CDH13: variants seen among roughly 807,000 people sequenced by gnomAD.
CDH13 encodes cadherin 13, also known as cadherin-13.
CDH13 carries 24 observed loss-of-function variants against 63.8 expected under a neutral mutation model. The observed-to-expected ratio is 0.38, with a 90% CI of 0.27 to 0.53. The LOEUF is 0.53. CDH13 is among the 20% of genes least tolerant of loss of function. The probability of loss-of-function intolerance (pLI) is 0.85; values close to 1 mark genes in which losing one functional copy is unlikely to be tolerated. For missense variants in CDH13, 1,049 were observed against 903.1 expected, an observed-to-expected ratio of 1.16 and a Z score of -2.07; for synonymous variants, 503 against 355.3, an observed-to-expected ratio of 1.42 and a Z score of -4.67.
At chr16:83,786,252 C>T (rs911054042) in intron 13 of CDH13, among the ~76,000 whole-genome samples, 2 of 152,178 alleles carry the variant, frequency 1.3e-5, no homozygotes, top group African/African-American at 4.8e-5. Flanking sequence ...CTAAATTTGG[C>T]CTGAGCTTCT....
intron 2 of CDH13, among the ~76,000 whole-genome samples, chr16:82,971,697 G>A (rs545959690): frequency 3.3e-5 from 5 of 152,282 alleles, no homozygotes; most frequent in East Asian, 1.9e-4. Flanking sequence ...CTTTCTAGTC[G>A]TAGTATGGTA....
intron 7 of CDH13, among the ~76,000 whole-genome samples, chr16:83,545,162 T>A (rs2075363442): frequency 6.6e-6 from 1 of 152,192 alleles, no homozygotes; most frequent in Admixed American, 6.5e-5. Flanking sequence ...TTAGCCCTTC[T>A]TAGAAGTTGT....
intron 1 of CDH13, among the ~76,000 whole-genome samples, chr16:82,784,069 A>C (rs17192123): frequency 6.6e-6 from 1 of 151,890 alleles, no homozygotes; most frequent in Non-Finnish European, 1.5e-5. Flanking sequence ...TTTGAATGCA[A>C]ATGTATTAGT....
chr16:83,663,223 G>A (rs1313160806), intron 8 of CDH13, among the ~76,000 whole-genome samples: 2 of 152,178 alleles, frequency 1.3e-5, no homozygotes, highest in Non-Finnish European at 2.9e-5. Flanking sequence ...AAGGAAGCTA[G>A]GATCACATGA....
intron 1 of CDH13, among the ~76,000 whole-genome samples, chr16:82,664,721 C>G (rs1348063198): frequency 1.3e-5 from 2 of 152,186 alleles, no homozygotes; most frequent in African/African-American, 4.8e-5. Flanking sequence ...AACAATTTCA[C>G]TTTACTGGTT....
chr16:82,793,660 C>G (rs2036430920), intron 1 of CDH13, among the ~76,000 whole-genome samples: 1 of 152,158 alleles, frequency 6.6e-6, no homozygotes, highest in Non-Finnish European at 1.5e-5. Flanking sequence ...ACCCTGGTAT[C>G]ACTCATTTTA....
intron 3 of CDH13, among the ~76,000 whole-genome samples, chr16:83,109,358 A>AG (rs749687366): frequency 5.9e-4 from 90 of 152,292 alleles, no homozygotes; most frequent in Admixed American, 1.2e-3. Flanking sequence ...TGCTGAGAAA[A>AG]GGGATGCAGG....
chr16:83,559,105 T>A (rs763995882), intron 7 of CDH13, among the ~76,000 whole-genome samples: 6 of 152,144 alleles, frequency 3.9e-5, no homozygotes, highest in African/African-American at 7.2e-5. Flanking sequence ...TAAGATCCAC[T>A]GCCAGGAACT....
At chr16:83,669,745 T>G (rs942324916) in intron 8 of CDH13, among the ~76,000 whole-genome samples, 4 of 152,250 alleles carry the variant, frequency 2.6e-5, no homozygotes, top group African/African-American at 9.6e-5. Flanking sequence ...CAAATTACTT[T>G]TCTTTGAACA....
At chr16:83,401,626 G>A (rs2091969234) in intron 6 of CDH13, among the ~76,000 whole-genome samples, 1 of 151,996 alleles carries the variant, frequency 6.6e-6, no homozygotes, top group Non-Finnish European at 1.5e-5. Context: ...ACCTCATGAA[G>A]TGTATATACC....
At chr16:82,807,928 C>T (rs112168209) in intron 1 of CDH13, among the ~76,000 whole-genome samples, 6 of 152,222 alleles carry the variant, frequency 3.9e-5, no homozygotes, top group African/African-American at 9.6e-5. Flanking sequence ...TTCCTTAAAA[C>T]GATCAAAGGG....
intron 10 of CDH13, among the ~76,000 whole-genome samples, chr16:83,736,195 A>T (rs406844): frequency 6.6e-6 from 1 of 151,976 alleles, no homozygotes; most frequent in Non-Finnish European, 1.5e-5. Context: ...CATGAAAGCT[A>T]TCTTGTGGTT....
At chr16:82,854,778 AT>A (rs1440174220) in intron 1 of CDH13, among the ~76,000 whole-genome samples, 2 of 152,152 alleles carry the variant, frequency 1.3e-5, no homozygotes, top group African/African-American at 4.8e-5. Context: ...AGAGATCTAT[AT>A]TTTCCTTTCC....
At chr16:83,400,060 C>T (rs886855546) in intron 6 of CDH13, among the ~76,000 whole-genome samples, 1 of 151,584 alleles carries the variant, frequency 6.6e-6, no homozygotes, top group African/African-American at 2.4e-5. Flanking sequence ...TAATGCCTGT[C>T]TTATAGTACT....
chr16:83,388,026 G>A (rs1567636335), intron 6 of CDH13, among the ~76,000 whole-genome samples: 2 of 152,102 alleles, frequency 1.3e-5, no homozygotes, highest in Non-Finnish European at 1.5e-5. Flanking sequence ...ATCAGGACTG[G>A]GGTAAAAGAC....
intron 5 of CDH13, among the ~76,000 whole-genome samples, chr16:83,255,601 A>T (rs1029303503): frequency 2.0e-5 from 3 of 152,150 alleles, no homozygotes; most frequent in African/African-American, 7.2e-5. Flanking sequence ...CCAAACATCA[A>T]TGTCTCATTT....
At position 82,644,271 on chromosome 16, in the gene CDH13, C is replaced by G. The variant is rs1038544628; in HGVS notation, c.45+17134C>G. 2.6e-5 allele frequency among the ~76,000 whole-genome samples: 4 copies of G among 152,084 alleles called. No homozygotes were observed. Among genetic ancestry groups the G allele is most frequent in the Admixed American group, 2.6e-4 (4 of 15,284 alleles). On this transcript the variant is annotated intron_variant, in intron 1 of 13. Coordinates refer to ENST00000567109, the MANE Select transcript of CDH13 (RefSeq NM_001257.5). The surrounding 1 kb of genome is among the most constrained non-coding windows in gnomAD (Gnocchi z 5.7). ...GGTCTAAGGCTGGGAAAGGAGCTCCCACTTCTTACATTCAGTGCTCATCAC... is the reference window on the plus strand; with the variant it reads ...GGTCTAAGGCTGGGAAAGGAGCTCCGACTTCTTACATTCAGTGCTCATCAC...
intron 4 of CDH13, among the ~76,000 whole-genome samples, chr16:83,146,713 A>G (rs139540022): frequency 2.0e-5 from 3 of 152,326 alleles, no homozygotes; most frequent in East Asian, 3.9e-4. Flanking sequence ...TTCAAGCACA[A>G]TTGGAGTTTG....
intron 1 of CDH13, chr16:82,705,126 A>G (rs1216845347): frequency 1.1e-5 from 5 of 455,952 alleles, no homozygotes; most frequent in African/African-American, 8.0e-5. Context: ...AAAGCCCGAG[A>G]TAGTAACAGT....
Sources: allele counts gnomAD v4.1 joint callset (sites outside exome capture counted in the v4.1 genomes callset), GRCh38; gene constraint gnomAD v4.1.1; non-coding constraint Gnocchi (gnomAD v3.1); transcripts MANE v1.5; gene names NCBI Gene and HGNC (gene_info 2026-07-23, HGNC 2026-07-21).